The following PPFIA2 variants were observed in gnomAD, a reference collection of about 807,000 sequenced individuals.
The protein encoded by PPFIA2 is PPFI scaffold protein A2, also known as liprin-alpha-2.
PPFIA2 carries 46 observed loss-of-function variants against 175.5 expected under a neutral mutation model. The observed-to-expected ratio is 0.26, with a 90% CI of 0.21 to 0.34. PPFIA2 has a LOEUF of 0.34. Among genes scored for constraint, PPFIA2 ranks in the 10% least tolerant of loss-of-function variants. The pLI, the probability that PPFIA2 is intolerant of heterozygous loss-of-function variation, is 1.00. For synonymous variants in PPFIA2, 568 were observed against 511.4 expected (o/e 1.11, Z -1.49); for missense variants, 1,179 against 1,506.1 (o/e 0.78, Z 3.60).
intron 4 of PPFIA2, among the ~76,000 whole-genome samples, chr12:81,537,546 A>T (rs942162016): frequency 6.6e-6 from 1 of 151,760 alleles, no homozygotes; most frequent in Non-Finnish European, 1.5e-5. Flanking sequence ...CCTTCACACC[A>T]ATGTTTTGTG....
chr12:81,620,031 G>T (rs531162403), intron 4 of PPFIA2, among the ~76,000 whole-genome samples: 7 of 151,764 alleles, frequency 4.6e-5, no homozygotes, highest in Admixed American at 2.0e-4. Flanking sequence ...GTGATGGCGG[G>T]TGCCTGTAGT....
intron 4 of PPFIA2, among the ~76,000 whole-genome samples, chr12:81,614,910 C>T (rs753457730): frequency 4.6e-5 from 7 of 152,104 alleles, no homozygotes; most frequent in Non-Finnish European, 7.4e-5. Flanking sequence ...TCTAATATCA[C>T]GTAACTAATA....
At chr12:81,726,945 C>T (rs1399710697) in intron 3 of PPFIA2, among the ~76,000 whole-genome samples, 2 of 151,298 alleles carry the variant, frequency 1.3e-5, no homozygotes, top group African/African-American at 4.8e-5. Context: ...CTGATTGAAG[C>T]TACTTTTTAG....
At chr12:81,341,505 T>G (rs1304441257) in intron 19 of PPFIA2, among the ~76,000 whole-genome samples, 4 of 152,104 alleles carry the variant, frequency 2.6e-5, no homozygotes, top group African/African-American at 9.7e-5. Flanking sequence ...TGGAAACATA[T>G]AGCCCAAGAC....
At chr12:81,302,764 A>G (rs1594333330) in intron 22 of PPFIA2, 1 of 417,852 alleles carries the variant, frequency 2.4e-6, no homozygotes, top group South Asian at 1.7e-5. Flanking sequence ...ATTGCCTTGC[A>G]TTATTATTTT....
chr12:81,642,209 A>G (rs1230265199), intron 4 of PPFIA2, among the ~76,000 whole-genome samples: 1 of 152,102 alleles, frequency 6.6e-6, no homozygotes, highest in African/African-American at 2.4e-5. Context: ...TAAGACTTAT[A>G]CACATATATA....
intron 4 of PPFIA2, among the ~76,000 whole-genome samples, chr12:81,536,606 C>G (rs1160159631): frequency 1.3e-5 from 2 of 149,648 alleles, no homozygotes; most frequent in Admixed American, 1.3e-4. Context: ...AAAAAGTGAA[C>G]AGCAAATTGA....
At chr12:81,629,510 C>G (rs1024811958) in intron 4 of PPFIA2, among the ~76,000 whole-genome samples, 1 of 152,126 alleles carries the variant, frequency 6.6e-6, no homozygotes, top group Non-Finnish European at 1.5e-5. Flanking sequence ...TCCACAGATT[C>G]AGGTTTGTGA....
chr12:81,438,471 C>G (rs750642763), intron 7 of PPFIA2, among the ~76,000 whole-genome samples: 1 of 151,582 alleles, frequency 6.6e-6, no homozygotes, highest in Non-Finnish European at 1.5e-5. Flanking sequence ...GACTCCGTCT[C>G]AAAACAAAAA....
intron 4 of PPFIA2, among the ~76,000 whole-genome samples, chr12:81,528,008 G>A (rs1020100458): frequency 5.3e-5 from 8 of 152,002 alleles, no homozygotes; most frequent in Non-Finnish European, 8.8e-5. Flanking sequence ...CAGCCTGAAC[G>A]AACTAAGACA....
intron 20 of PPFIA2, among the ~76,000 whole-genome samples, chr12:81,340,046 T>G (rs770192439): frequency 1.3e-5 from 2 of 152,148 alleles, no homozygotes; most frequent in Non-Finnish European, 2.9e-5. Context: ...TATTAGTTTC[T>G]ATAGTTGTTA....
intron 3 of PPFIA2, among the ~76,000 whole-genome samples, chr12:81,692,911 A>G (rs2075424881): frequency 6.6e-6 from 1 of 152,164 alleles, no homozygotes; most frequent in African/African-American, 2.4e-5. Flanking sequence ...AAATTCTATG[A>G]CGAAAAAGCA....
At chr12:81,308,162 G>A (rs552949224) in intron 22 of PPFIA2, among the ~76,000 whole-genome samples, 21 of 152,122 alleles carry the variant, frequency 1.4e-4, no homozygotes, top group African/African-American at 3.4e-4. Flanking sequence ...CATCTAATGC[G>A]CTCTCCTGTT....
chr12:81,536,109 C>T (rs2065332738), intron 4 of PPFIA2, among the ~76,000 whole-genome samples: 1 of 151,784 alleles, frequency 6.6e-6, no homozygotes, highest in Admixed American at 6.6e-5. Context: ...AGCATCTCAG[C>T]CTGCAAAGAA....
chr12:81,602,625 T>C (rs988107735), intron 4 of PPFIA2, among the ~76,000 whole-genome samples: 1 of 151,894 alleles, frequency 6.6e-6, no homozygotes, highest in Non-Finnish European at 1.5e-5. Context: ...GGATTTCTTA[T>C]GTAGCTATTA....
At chr12:81,312,059 G>T in intron 22 of PPFIA2, 1 of 1,126,990 alleles carries the variant, frequency 8.9e-7, no homozygotes, top group Non-Finnish European at 1.3e-6. Context: ...CAGAGGCAGT[G>T]CAGCTTGTGT....
At chr12:81,509,607 T>C (rs1280245987) in intron 4 of PPFIA2, among the ~76,000 whole-genome samples, 2 of 152,112 alleles carry the variant, frequency 1.3e-5, no homozygotes, top group South Asian at 2.1e-4. Flanking sequence ...CTAACCTTTT[T>C]TTTTTTTTTG....
intron 3 of PPFIA2, among the ~76,000 whole-genome samples, chr12:81,683,194 T>C (rs2073937768): frequency 6.6e-6 from 1 of 152,008 alleles, no homozygotes; most frequent in Non-Finnish European, 1.5e-5. Context: ...ACATCACCAT[T>C]CACCCAGTTG....
At chr12:81,754,274 A>G (rs2084298283) in intron 2 of PPFIA2, 51 bp from the exon 3 acceptor site, 2 of 1,528,136 alleles carry the variant, frequency 1.3e-6, no homozygotes, top group African/African-American at 1.4e-5. Flanking sequence ...GATTTCCAAT[A>G]ATTTCATTTG....
Sources: gnomAD v4.1 joint callset for allele counts (sites outside exome capture counted in the v4.1 genomes callset) on GRCh38, gnomAD v4.1.1 for gene constraint, MANE v1.5 for transcripts, NCBI Gene and HGNC (gene_info 2026-07-23, HGNC 2026-07-21) for gene names.